DIDO1: variants seen among roughly 807,000 people sequenced by gnomAD.
DIDO1 encodes death inducer-obliterator 1, also known as death-inducer obliterator 1.
Under a neutral mutation model 99.4 loss-of-function variants are expected in DIDO1, and 16 were observed. The observed-to-expected ratio is 0.16, with a 90% CI of 0.11 to 0.24. The LOEUF (loss-of-function observed/expected upper bound fraction) is 0.24. Ranked by LOEUF, DIDO1 falls within the 10% of genes least tolerant of loss-of-function variation. The probability of loss-of-function intolerance (pLI) is 1.00; values close to 1 mark genes in which losing one functional copy is unlikely to be tolerated. For missense variants in DIDO1, 2,996 were observed against 3,014.0 expected (o/e 0.99, Z 0.14); for synonymous variants, 1,366 against 1,239.1 (o/e 1.10, Z -2.15).
intron 6 of DIDO1, among the ~76,000 whole-genome samples, chr20:62,904,259 T>A (rs2064750751): frequency 6.6e-6 from 1 of 152,194 alleles, no homozygotes; most frequent in Non-Finnish European, 1.5e-5. Flanking sequence ...GCCCATTAGC[T>A]CTGTAGAACT....
upstream of DIDO1, among the ~76,000 whole-genome samples, chr20:62,929,696 T>TAAA: frequency 8.7e-6 from 1 of 115,536 alleles, no homozygotes; most frequent in African/African-American, 4.1e-5. Flanking sequence ...AGAAAAAGTG[T>TAAA]ATATATATAT....
rs763598665 is a variant in DIDO1 at position 62,906,079 on chromosome 20, CAGA to C, written c.1393_1395del (p.Ser465del). 1.2e-6 allele frequency: 2 copies of C among 1,611,640 alleles called. No homozygotes were observed. Among genetic ancestry groups the C allele is most frequent in the Non-Finnish European group, 1.7e-6 (2 of 1,178,976 alleles). ...TTTTCTGGAGCTGGTCTCTTGTGCACAGAAGAGATTTTAATACCTGCCTGGATA... is the reference window on the plus strand; with the variant it reads ...TTTTCTGGAGCTGGTCTCTTGTGCACAGAGATTTTAATACCTGCCTGGATA... On this transcript the variant is annotated inframe_deletion, in exon 6 of 16. Transcript: ENST00000395343.
chr20:62,936,160 C>T (rs1223658775), intron 1 of DIDO1, among the ~76,000 whole-genome samples: 2 of 152,250 alleles, frequency 1.3e-5, no homozygotes, highest in Non-Finnish European at 2.9e-5. Context: ...CGCCTGTAAA[C>T]CCAGCACTCC....
In DIDO1 at chr20:62,879,314, C is replaced by A. The variant is rs752863220; in HGVS notation, c.6642G>T (p.Arg2214=). 3 of 1,574,738 alleles carry A rather than the reference C, an allele frequency of 1.9e-6. No homozygotes were observed. Among genetic ancestry groups the A allele is most frequent in the Non-Finnish European group, 2.6e-6 (3 of 1,162,532 alleles). Reference sequence around the variant, plus strand: ...CCCGAGCGCTCTCTTTGCTCTTGCTCCGGTCCTTGCGGTCGCGGCCCCGCT... The same window carrying A: ...CCCGAGCGCTCTCTTTGCTCTTGCTACGGTCCTTGCGGTCGCGGCCCCGCT... ...DRERGRDRKD[R]SKSKESARDP... is the part of the protein sequence containing the mutation. The change falls in exon 16 of 16, where the codon CGG becomes CGT. Residue 2214 remains arginine, a synonymous_variant. Transcript: ENST00000395343. The surrounding 1 kb of genome is among the most constrained non-coding windows in gnomAD (Gnocchi z 6.3).
intron 6 of DIDO1, among the ~76,000 whole-genome samples, chr20:62,902,530 C>T (rs1481369285): frequency 6.6e-6 from 1 of 152,168 alleles, no homozygotes; most frequent in Admixed American, 6.5e-5. Context: ...GCTTTAAATT[C>T]CTGCAAAACA....
At chr20:62,901,171 G>A (rs1043286644) in intron 6 of DIDO1, among the ~76,000 whole-genome samples, 3 of 152,152 alleles carry the variant, frequency 2.0e-5, no homozygotes, top group East Asian at 1.9e-4. Flanking sequence ...AGACTACATC[G>A]CAGACGCTCC....
Position 62,878,957 on chromosome 20 carries a change from G to A in DIDO1, c.*276C>T, listed in dbSNP as rs1040975901. Reference sequence around the variant, plus strand: ...CTTAAAATTTACAATAAAGTTATTGGAAAAGATAACTATGATCTGAAAAGC... The same window carrying A: ...CTTAAAATTTACAATAAAGTTATTGAAAAAGATAACTATGATCTGAAAAGC... On this transcript the variant is annotated 3_prime_UTR_variant, in exon 16 of 16. Coordinates refer to ENST00000395343, the MANE Select transcript of DIDO1 (RefSeq NM_001193369.2). 3 of 352,478 alleles carry A rather than the reference G, an allele frequency of 8.5e-6. No individual in the cohort carries two copies. The highest frequency in any genetic ancestry group is 1.5e-5 in the Non-Finnish European group (3 of 199,022). The allele number at this position is 352,478 out of a possible 1,614,324, so 21.8% of individuals were successfully genotyped here.
intron 1 of DIDO1, among the ~76,000 whole-genome samples, chr20:62,924,174 G>A (rs1206846888): frequency 1.3e-5 from 2 of 152,170 alleles, no homozygotes; most frequent in Non-Finnish European, 2.9e-5. Flanking sequence ...GTCATAAAAA[G>A]GCTGATCTTA....
Position 62,910,851 on chromosome 20 carries a change from C to G in DIDO1, c.762G>C (p.Leu254Phe). The G allele has an allele frequency of 1.2e-6, 2 of 1,614,176 alleles. No homozygotes were observed. The highest frequency in any genetic ancestry group is 1.3e-5 in the African/African-American group (1 of 75,038). ...CCTCACATTCAGGCTTCGGTCGGCC[C>G]AAGTCTCCAGGCTCCTCATCTTTGA... ...QDIKDEEPGD[L>F]GRPKPECEGY... Residue 254 changes from leucine (L) to phenylalanine (F), a missense_variant, in exon 3 of 16, where the codon TTG becomes TTC. By Grantham distance (22) the Leu-to-Phe change is conservative. Transcript: ENST00000395343.
chr20:62,880,238 G>C lies in DIDO1; in HGVS notation c.5718C>G (p.Gly1906=), dbSNP rs777959875. ...GACCTCCAAACTGAGAGGGAGGGGG[G>C]CCGCCTCGGGGGCCTTTCAGCTGAG... ...LLSQLKGPRG[G]PPPSQFGGQR... is the part of the protein sequence containing the mutation. The change falls in exon 16 of 16, where the codon GGC becomes GGG. Residue 1906 remains glycine (G), a synonymous_variant. Coordinates refer to ENST00000395343, the MANE Select transcript of DIDO1 (RefSeq NM_001193369.2). 1.9e-5 allele frequency: 31 copies of C among 1,612,296 alleles called. No homozygotes were observed. The highest frequency in any genetic ancestry group is 2.5e-6 in the Non-Finnish European group (3 of 1,179,828).
At position 62,897,623 on chromosome 20, in the gene DIDO1, A is replaced by G. The variant is rs528172989; in HGVS notation, c.1589-627T>C. On this transcript the variant is annotated intron_variant, in intron 6 of 15. Transcript: ENST00000395343. Reference sequence around the variant, plus strand: ...GCAATGCTGTTACAGGAATGCGTCCATTCACAGCCCTCAGGCTGTAATTCC... The same window carrying G: ...GCAATGCTGTTACAGGAATGCGTCCGTTCACAGCCCTCAGGCTGTAATTCC... Among the ~76,000 whole-genome samples the G allele has an allele frequency of 2.6e-5, 4 of 152,388 alleles. No homozygotes were observed. The South Asian group carries it at 6.2e-4, about 24-fold the overall frequency.
chr20:62,896,215 C>A lies in DIDO1; in HGVS notation c.2214+18G>T. The A allele has an allele frequency of 1.2e-6, 2 of 1,609,826 alleles. No individual in the cohort carries two copies. On this transcript the variant is annotated intron_variant, in intron 8 of 15. Transcript: ENST00000395343. This position sits in a 1 kb window ranked among gnomAD's most constrained non-coding sequence, Gnocchi z 4.4. ...AACAGAACAGGAATACTCCAATGCACCGACACCAGGCACACACCTGATTTT... is the reference window on the plus strand; with the variant it reads ...AACAGAACAGGAATACTCCAATGCAACGACACCAGGCACACACCTGATTTT...
rs2064480597 is a variant in DIDO1, at chr20:62,894,793, A to G, written c.2436+17T>C. On this transcript the variant is annotated intron_variant, in intron 10 of 15. Coordinates refer to ENST00000395343, the MANE Select transcript of DIDO1 (RefSeq NM_001193369.2). The surrounding 1 kb of genome is among the most constrained non-coding windows in gnomAD (Gnocchi z 4.4). ...TTAGTCTATTCTCGGTGAACACAAA[A>G]TCTCCCAAATGCTTACCTCTGAATC... 1 of 1,602,360 alleles carries G rather than the reference A, an allele frequency of 6.2e-7. No individual in the cohort carries two copies. Among genetic ancestry groups the G allele is most frequent in the Admixed American group, 1.8e-5 (1 of 56,248 alleles).
intron 6 of DIDO1, among the ~76,000 whole-genome samples, chr20:62,902,877 C>T (rs1037444118): frequency 2.6e-5 from 4 of 152,222 alleles, no homozygotes; most frequent in African/African-American, 7.2e-5. Context: ...GTTTAAGTCA[C>T]TTAATGAGCC....
At position 62,881,992 on chromosome 20, in the gene DIDO1, A is replaced by G; in HGVS notation, c.3964T>C (p.Phe1322Leu). 1 of 1,613,492 alleles carries G rather than the reference A, an allele frequency of 6.2e-7. No individual in the cohort carries two copies. Among genetic ancestry groups the G allele is most frequent in the Non-Finnish European group, 8.5e-7 (1 of 1,180,018 alleles). The change falls in exon 16 of 16, where the codon TTT becomes CTT. Residue 1322 changes from phenylalanine to leucine, a missense_variant. By Grantham distance (22) the Phe-to-Leu change is conservative (BLOSUM62 0). Coordinates refer to ENST00000395343, the MANE Select transcript of DIDO1 (RefSeq NM_001193369.2). This position sits in a 1 kb window ranked among gnomAD's most constrained non-coding sequence, Gnocchi z 8.3. ...SPLEHILQTLFGKKKSFDPSA... is the reference protein window; with the variant it reads ...SPLEHILQTLLGKKKSFDPSA... ...GGGTCGAATGATTTCTTCTTTCCAA[A>G]GAGAGTCTGCAGGATGTGCTCCAGC...
At chr20:62,909,355 A>C (rs1218047108) in intron 4 of DIDO1, among the ~76,000 whole-genome samples, 1 of 152,250 alleles carries the variant, frequency 6.6e-6, no homozygotes, top group Non-Finnish European at 1.5e-5. Context: ...AGGAGCCAGC[A>C]CCAGAACCAC....
intron 15 of DIDO1, chr20:62,890,672 G>A: frequency 7.9e-7 from 1 of 1,273,726 alleles, no homozygotes; most frequent in South Asian, 1.8e-5. Flanking sequence ...GGGCTTCTGG[G>A]CACTGAGTCT....
upstream of DIDO1, among the ~76,000 whole-genome samples, chr20:62,931,340 C>G (rs980187014): frequency 3.3e-5 from 5 of 152,144 alleles, no homozygotes; most frequent in Admixed American, 1.3e-4. Context: ...TCTAAGGTGT[C>G]TAAGTTTTCT....
intron 4 of DIDO1, 95 bp from the exon 5 acceptor site, chr20:62,907,454 C>T (rs1472284370): frequency 8.4e-7 from 1 of 1,192,386 alleles, no homozygotes; most frequent in Non-Finnish European, 1.2e-6. Flanking sequence ...AGTACCAAGG[C>T]CACAGTTTCA....
Sources: allele counts gnomAD v4.1 joint callset (sites outside exome capture counted in the v4.1 genomes callset), GRCh38; gene constraint gnomAD v4.1.1; non-coding constraint Gnocchi (gnomAD v3.1); transcripts MANE v1.5; gene names NCBI Gene and HGNC (gene_info 2026-07-23, HGNC 2026-07-21).